NCKAP5: variants seen among roughly 807,000 people sequenced by gnomAD.
NCKAP5 encodes NCK associated protein 5.
NCKAP5 carries 92 observed loss-of-function variants against 167.0 expected under a neutral mutation model. The ratio of observed to expected loss-of-function variants is 0.55; its 90% CI spans 0.47 to 0.66. The LOEUF (loss-of-function observed/expected upper bound fraction) is 0.66. Ranked by LOEUF, NCKAP5 falls within the 30% of genes least tolerant of loss-of-function variation. NCKAP5 has a pLI of 0.00. For synonymous variants in NCKAP5, 891 were observed against 877.4 expected (o/e 1.02, Z -0.27); for missense variants, 2,378 against 2,315.0 (o/e 1.03, Z -0.56).
chr2:132,697,652 C>T (rs1242332215), intron 19 of NCKAP5, among the ~76,000 whole-genome samples: 3 of 151,000 alleles, frequency 2.0e-5, no homozygotes, highest in Non-Finnish European at 4.4e-5. Context: ...TGTATGTACA[C>T]GATGACATTT....
chr2:132,790,192 T>G lies in NCKAP5; in HGVS notation c.923A>C (p.Asn308Thr). ...AGGGCATTTCAAGGCCGATTTTGTA[T>G]TTAGTTGGTGTTCCTGAAAAAGCAG... is the stretch of plus-strand genomic sequence containing the variant. ...TDAEVHEHQL[N>T]TKSALKCPGL... Residue 308 changes from asparagine (N) to threonine (T), a missense_variant, in exon 13 of 20, where the codon AAT becomes ACT. Asn to Thr is a moderately conservative substitution (Grantham distance 65). This residue lies in a region of NCKAP5 where 1,049 missense variants were observed against 1,023.4 expected (regional missense o/e 1.02). Transcript: ENST00000409261. 1.9e-6 allele frequency: 3 copies of G among 1,612,474 alleles called. No homozygotes were observed. The highest frequency in any genetic ancestry group is 2.5e-6 in the Non-Finnish European group (3 of 1,179,318).
At chr2:133,111,913 T>C (rs980165161) in intron 6 of NCKAP5, among the ~76,000 whole-genome samples, 1 of 152,022 alleles carries the variant, frequency 6.6e-6, no homozygotes, top group Non-Finnish European at 1.5e-5. Flanking sequence ...TAGCACAGGA[T>C]GAGTAATAGA....
chr2:132,991,725 T>A (rs1323142770), intron 7 of NCKAP5, among the ~76,000 whole-genome samples: 1 of 152,288 alleles, frequency 6.6e-6, no homozygotes, highest in Admixed American at 6.5e-5. Context: ...AAGCTTTACG[T>A]GGGCCTCTGG....
At chr2:133,211,928 C>A (rs1188997111) in intron 5 of NCKAP5, among the ~76,000 whole-genome samples, 2 of 152,172 alleles carry the variant, frequency 1.3e-5, no homozygotes, top group Admixed American at 6.5e-5. Flanking sequence ...TGTCTGAGAT[C>A]ATTTCAACTC....
intron 7 of NCKAP5, among the ~76,000 whole-genome samples, chr2:132,988,751 T>C (rs910504748): frequency 1.3e-5 from 2 of 152,088 alleles, no homozygotes; most frequent in African/African-American, 4.8e-5. Flanking sequence ...AAAAAACAAA[T>C]GACAAAAGTG....
Position 132,794,302 on chromosome 2 carries a change from AGAGAGG to A in NCKAP5, c.909+2320_909+2325del, listed in dbSNP as rs1317814548. Among the ~76,000 whole-genome samples, 222 of 117,720 alleles carry A rather than the reference AGAGAGG, an allele frequency of 1.9e-3. 1 individual carries two copies. The highest frequency in any genetic ancestry group is 8.8e-3 in the East Asian group (36 of 4,114). 77.2% of individuals were successfully genotyped at this position (117,720 alleles called of 152,430 possible). A position where few individuals can be genotyped will look rare whatever the true frequency, so the allele number is the denominator to read the frequency against. On this transcript the variant is annotated intron_variant, in intron 12 of 19. Transcript: ENST00000409261. ...GAGAGAGAGAGAGAGAGAGAGAGAG[AGAGAGG>A]GTGGCGGGAAGAGAGAGAGAAAGAG...
chr2:133,212,394 GT>G (rs1451516755), intron 5 of NCKAP5, among the ~76,000 whole-genome samples: 1 of 152,092 alleles, frequency 6.6e-6, no homozygotes, highest in Non-Finnish European at 1.5e-5. Flanking sequence ...TTATTTGTTT[GT>G]TTTTGGGAGA....
chr2:133,126,575 C>A (rs1373775552), intron 6 of NCKAP5, among the ~76,000 whole-genome samples: 4 of 152,150 alleles, frequency 2.6e-5, no homozygotes, highest in Admixed American at 6.5e-5. Context: ...AGCAGCAGCC[C>A]TTGCAAGAAT....
At chr2:133,106,034 TAA>T (rs2081676984) in intron 6 of NCKAP5, among the ~76,000 whole-genome samples, 1 of 151,838 alleles carries the variant, frequency 6.6e-6, no homozygotes, top group Non-Finnish European at 1.5e-5. Flanking sequence ...CTCCTTTTAT[TAA>T]AAAAGGAAAA....
intron 3 of NCKAP5, among the ~76,000 whole-genome samples, chr2:133,457,417 A>G (rs372053658): frequency 7.4e-4 from 112 of 152,280 alleles, no homozygotes; most frequent in Admixed American, 2.2e-3. Context: ...GAAGAGAAAG[A>G]TGCCCACAGA....
At chr2:133,188,501 G>A (rs147810088) in intron 5 of NCKAP5, among the ~76,000 whole-genome samples, 17 of 151,740 alleles carry the variant, frequency 1.1e-4, no homozygotes, top group Admixed American at 2.6e-4. Context: ...ACACCATATC[G>A]CACTTATTCC....
chr2:132,833,945 T>G (rs531480755), intron 11 of NCKAP5, among the ~76,000 whole-genome samples: 1 of 152,246 alleles, frequency 6.6e-6, no homozygotes, highest in African/African-American at 2.4e-5. Flanking sequence ...TAGATTAGGG[T>G]AGTATGGTTA....
intron 6 of NCKAP5, among the ~76,000 whole-genome samples, chr2:133,031,285 T>C (rs1196962577): frequency 6.6e-6 from 1 of 151,244 alleles, no homozygotes; most frequent in Non-Finnish European, 1.5e-5. Context: ...TAGCATCTCT[T>C]GGTGCTGGGG....
chr2:132,809,432 T>A (rs1276090377), intron 11 of NCKAP5, among the ~76,000 whole-genome samples: 1 of 152,306 alleles, frequency 6.6e-6, no homozygotes, highest in Admixed American at 6.5e-5. Context: ...AGTAATTGTT[T>A]TATGAATTTG....
At chr2:132,815,832 G>A (rs1442894624) in intron 11 of NCKAP5, among the ~76,000 whole-genome samples, 1 of 152,178 alleles carries the variant, frequency 6.6e-6, no homozygotes, top group Non-Finnish European at 1.5e-5. Context: ...GAATCCAATA[G>A]ACCAAAATTC....
At chr2:132,891,921 T>G (rs1692740597) in intron 8 of NCKAP5, among the ~76,000 whole-genome samples, 1 of 152,198 alleles carries the variant, frequency 6.6e-6, no homozygotes, top group African/African-American at 2.4e-5. Context: ...TGTCACTGTT[T>G]TGGGTTGAAT....
chr2:132,675,377 A>G (rs1324459766), intron 19 of NCKAP5, among the ~76,000 whole-genome samples: 1 of 152,248 alleles, frequency 6.6e-6, no homozygotes, highest in Non-Finnish European at 1.5e-5. Context: ...GAAATAAAGA[A>G]CTTTAAAGCT....
At chr2:133,566,600 C>T (rs1030506644) in intron 1 of NCKAP5, among the ~76,000 whole-genome samples, 1 of 152,158 alleles carries the variant, frequency 6.6e-6, no homozygotes, top group African/African-American at 2.4e-5. Context: ...GCATAGGAAC[C>T]GCGTGTGGGT....
the NCKAP5 span, among the ~76,000 whole-genome samples, chr2:133,625,525 T>C: frequency 6.6e-6 from 1 of 151,996 alleles, no homozygotes; most frequent in Non-Finnish European, 1.5e-5. Flanking sequence ...GCCTTCAAAG[T>C]CCTCTGAGTC....
Sources: allele counts gnomAD v4.1 joint callset (sites outside exome capture counted in the v4.1 genomes callset), GRCh38; gene constraint gnomAD v4.1.1; regional missense constraint gnomAD v4.1.1; transcripts MANE v1.5; gene names NCBI Gene and HGNC (gene_info 2026-07-23, HGNC 2026-07-21).